The following DLC1 variants were observed in gnomAD, a reference collection of about 807,000 sequenced individuals.
DLC1 encodes the protein DLC1 Rho GTPase activating protein.
DLC1 carries 54 observed loss-of-function variants against 140.3 expected under a neutral mutation model. The ratio of observed to expected loss-of-function variants is 0.38; its 90% CI spans 0.31 to 0.48. DLC1 has a LOEUF of 0.48. DLC1 is among the 20% of genes least tolerant of loss of function. DLC1 has a pLI of 0.96. For missense variants in DLC1, 2,536 were observed against 1,907.0 expected (o/e 1.33, Z -6.14); for synonymous variants, 986 against 728.1 (o/e 1.35, Z -5.70).
intron 1 of DLC1, among the ~76,000 whole-genome samples, chr8:13,596,917 T>C (rs1381057118): frequency 2.0e-5 from 3 of 151,990 alleles, no homozygotes; most frequent in Admixed American, 2.0e-4. Context: ...GCCTGCGGAG[T>C]GTGGATCAGA....
intron 4 of DLC1, among the ~76,000 whole-genome samples, chr8:13,381,829 A>T (rs1836276541): frequency 6.6e-6 from 1 of 152,190 alleles, no homozygotes; most frequent in African/African-American, 2.4e-5. Flanking sequence ...GGGATTTGTT[A>T]TGCAGCAATA....
intron 5 of DLC1, among the ~76,000 whole-genome samples, chr8:13,252,529 G>GA (rs1298947707): frequency 2.6e-5 from 4 of 152,230 alleles, no homozygotes; most frequent in South Asian, 4.1e-4. Flanking sequence ...AATAAGGGAA[G>GA]AAAAAATCTT....
intron 2 of DLC1, among the ~76,000 whole-genome samples, chr8:13,470,309 A>G (rs1800148174): frequency 6.6e-6 from 1 of 152,170 alleles, no homozygotes; most frequent in South Asian, 2.1e-4. Context: ...ATACTTGCAA[A>G]CCATATATCT....
At chr8:13,372,546 C>T (rs1375444557) in intron 4 of DLC1, among the ~76,000 whole-genome samples, 1 of 152,162 alleles carries the variant, frequency 6.6e-6, no homozygotes, top group Non-Finnish European at 1.5e-5. Flanking sequence ...TGTTTGCATT[C>T]ATCACTGATG....
chr8:13,266,794 T>C (rs1830706283), intron 5 of DLC1, among the ~76,000 whole-genome samples: 1 of 152,134 alleles, frequency 6.6e-6, no homozygotes, highest in Non-Finnish European at 1.5e-5. Flanking sequence ...CTTTGCATGG[T>C]TCTAATACAA....
At chr8:13,581,210 C>T (rs1805085612) in intron 1 of DLC1, among the ~76,000 whole-genome samples, 1 of 152,198 alleles carries the variant, frequency 6.6e-6, no homozygotes, top group South Asian at 2.1e-4. Context: ...TAATTGCTCT[C>T]AGCTAACCAC....
chr8:13,215,716 A>G (rs1828165948), intron 5 of DLC1, among the ~76,000 whole-genome samples: 1 of 152,190 alleles, frequency 6.6e-6, no homozygotes, highest in Admixed American at 6.5e-5. Flanking sequence ...ATTCAGGGAA[A>G]CTTCATAATC....
At chr8:13,113,489 G>A (rs1055768757) in intron 6 of DLC1, among the ~76,000 whole-genome samples, 4 of 152,234 alleles carry the variant, frequency 2.6e-5, no homozygotes, top group Admixed American at 1.3e-4. Flanking sequence ...GGAAAGAGGA[G>A]ACACAGGGAA....
At chr8:13,534,502 GTC>G (rs577038934) in intron 1 of DLC1, among the ~76,000 whole-genome samples, 1 of 152,150 alleles carries the variant, frequency 6.6e-6, no homozygotes, top group Non-Finnish European at 1.5e-5. Flanking sequence ...TGGTGTGTGT[GTC>G]CTGCAGACTC....
chr8:13,309,699 A>C (rs140225270), intron 4 of DLC1, among the ~76,000 whole-genome samples: 1 of 152,290 alleles, frequency 6.6e-6, no homozygotes, highest in African/African-American at 2.4e-5. Context: ...TGCTGCAGAA[A>C]TGGCTTTCTG....
At chr8:13,286,627 CA>C (rs1265265456) in intron 5 of DLC1, among the ~76,000 whole-genome samples, 1 of 150,258 alleles carries the variant, frequency 6.7e-6, no homozygotes. Flanking sequence ...TTAAAGTGAA[CA>C]GGCATTTTGC....
intron 4 of DLC1, among the ~76,000 whole-genome samples, chr8:13,380,591 C>G (rs1328871860): frequency 2.0e-5 from 3 of 152,064 alleles, no homozygotes; most frequent in African/African-American, 7.2e-5. Context: ...CAAAAAATAC[C>G]ACTATAACCT....
chr8:13,338,306 C>G (rs374046055), intron 4 of DLC1, among the ~76,000 whole-genome samples: 27 of 151,870 alleles, frequency 1.8e-4, no homozygotes, highest in Non-Finnish European at 3.2e-4. Flanking sequence ...AGCCATGGTT[C>G]GAAAAAAATA....
At chr8:13,123,080 G>A (rs943273738) in intron 5 of DLC1, among the ~76,000 whole-genome samples, 1 of 152,186 alleles carries the variant, frequency 6.6e-6, no homozygotes, top group Admixed American at 6.5e-5. Context: ...GTGGAGTACA[G>A]CGCGTATGAG....
chr8:13,406,793 G>C (rs1045325829), intron 2 of DLC1, among the ~76,000 whole-genome samples: 1 of 152,140 alleles, frequency 6.6e-6, no homozygotes, highest in African/African-American at 2.4e-5. Flanking sequence ...CCTCTTTAAA[G>C]CAGACTAAGA....
chr8:13,195,613 T>C lies in DLC1; in HGVS notation c.1349-79956A>G, dbSNP rs371544402. 2.8e-4 allele frequency among the ~76,000 whole-genome samples: 42 copies of C among 152,348 alleles called. No homozygotes were observed. In the East Asian group the frequency reaches 3.9e-3, roughly 14 times the overall value. On this transcript the variant is annotated intron_variant, in intron 5 of 17. Coordinates refer to ENST00000276297, the MANE Select transcript of DLC1 (RefSeq NM_182643.3). ...TGAAGAAGGAGAACTAAATTTGTTT[T>C]GGTTTGTGTAACCTCAAAGTATTAA...
chr8:13,103,079 G>C (rs1046134603), intron 7 of DLC1, among the ~76,000 whole-genome samples: 1 of 152,132 alleles, frequency 6.6e-6, no homozygotes, highest in African/African-American at 2.4e-5. Context: ...GGGAGGCCTA[G>C]GCGGGTGGAT....
chr8:13,085,970 A>C (rs1160779257), intron 17 of DLC1, 39 bp from the exon 18 acceptor site: 28 of 1,604,282 alleles, frequency 1.7e-5, no homozygotes, highest in Non-Finnish European at 2.4e-5. Flanking sequence ...GAATTATTTA[A>C]GTTAGAAAGC....
chr8:13,216,732 T>A (rs545643743), intron 5 of DLC1, among the ~76,000 whole-genome samples: 2 of 152,282 alleles, frequency 1.3e-5, no homozygotes, highest in East Asian at 3.9e-4. Flanking sequence ...TGTGGGGGTC[T>A]GTCCTGTGCA....
Sources: allele counts gnomAD v4.1 joint callset (sites outside exome capture counted in the v4.1 genomes callset), GRCh38; gene constraint gnomAD v4.1.1; transcripts MANE v1.5; gene names NCBI Gene and HGNC (gene_info 2026-07-23, HGNC 2026-07-21).